MAST2: variants seen among roughly 807,000 people sequenced by gnomAD.
MAST2 encodes the protein microtubule-associated serine/threonine-protein kinase 2.
A neutral mutation model predicts 147.4 loss-of-function variants in MAST2; 70 were observed. The ratio of observed to expected loss-of-function variants is 0.47; its 90% CI spans 0.39 to 0.58. The LOEUF (loss-of-function observed/expected upper bound fraction) is 0.58, where lower values mean the gene tolerates loss of function less well. MAST2 is among the 20% of genes least tolerant of loss of function. MAST2 has a pLI of 0.00. For synonymous variants in MAST2, 869 were observed against 896.8 expected, an observed-to-expected ratio of 0.97 and a Z score of 0.55; for missense variants, 2,080 against 2,302.3, an observed-to-expected ratio of 0.90 and a Z score of 1.98.
At chr1:45,910,446 G>A (rs1390969332) in intron 4 of MAST2, among the ~76,000 whole-genome samples, 2 of 152,038 alleles carry the variant, frequency 1.3e-5, no homozygotes, top group Non-Finnish European at 2.9e-5. Context: ...TGTAATTCTA[G>A]CATTAACTGT....
chr1:46,035,915 CCTCAGGTG>C lies in MAST2; in HGVS notation c.5247_5254del (p.Ser1750GlnfsTer17), dbSNP rs758795546. On this transcript the variant is annotated frameshift_variant, in exon 29 of 29. Transcript: ENST00000361297. LOFTEE classifies it high-confidence loss of function. This position sits in a 1 kb window ranked among gnomAD's most constrained non-coding sequence, Gnocchi z 5.5. ...CTGAGCATCACCCAAGTGCCTGATG[CCTCAGGTG>C]ACAGAAGGCAGGACGTTCCATGCCG... The C allele has an allele frequency of 2.5e-6, 4 of 1,614,060 alleles. No homozygotes were observed. The East Asian group carries it at 8.9e-5, about 36-fold the overall frequency.
intron 17 of MAST2, among the ~76,000 whole-genome samples, chr1:46,028,333 G>A (rs1233520706): frequency 6.6e-6 from 1 of 152,198 alleles, no homozygotes; most frequent in East Asian, 1.9e-4. Flanking sequence ...TGAGGTTCTT[G>A]GAACACAGCT....
At chr1:45,812,765 G>A (rs758414072) in intron 1 of MAST2, among the ~76,000 whole-genome samples, 2 of 152,092 alleles carry the variant, frequency 1.3e-5, no homozygotes, top group Non-Finnish European at 2.9e-5. Context: ...TTTTCATTTG[G>A]ATAGCTCAGA....
Position 46,035,947 on chromosome 1 carries a change from C to T in MAST2, c.5278C>T (p.Arg1760Ter), listed in dbSNP as rs774319655. 2.4e-5 allele frequency: 38 copies of T among 1,613,786 alleles called. No individual in the cohort carries two copies. Among genetic ancestry groups the T allele is most frequent in the East Asian group, 1.3e-4 (6 of 44,892 alleles). The change falls in exon 29 of 29, where the codon CGA (arginine) becomes TGA (stop). Residue 1760 changes from arginine (R) to a stop codon, truncating the protein, a stop_gained. Coordinates refer to ENST00000361297, the MANE Select transcript of MAST2 (RefSeq NM_015112.3). LOFTEE classifies it high-confidence loss of function. The surrounding 1 kb of genome is among the most constrained non-coding windows in gnomAD (Gnocchi z 5.5). ...SGDRRQDVPC[R>*]GCPLTQKSEP... ...TGACAGAAGGCAGGACGTTCCATGC[C>T]GAGGCTGCCCCCTCACCCAGAAGTC...
rs1367294930 is a variant in MAST2 at position 46,023,801 on chromosome 1, C to A, written c.1601C>A (p.Thr534Asn). 6.2e-7 allele frequency: 1 copy of A among 1,613,966 alleles called. No homozygotes were observed. The highest frequency in any genetic ancestry group is 1.3e-5 in the African/African-American group (1 of 74,868). The change falls in exon 15 of 29, where the codon ACC becomes AAC. Residue 534 changes from threonine to asparagine, a missense_variant. Around this residue, in one of 4 missense-constraint regions of MAST2, gnomAD observed 569 missense variants for 642.5 expected, o/e 0.89. Transcript: ENST00000361297. The surrounding 1 kb of genome is among the most constrained non-coding windows in gnomAD (Gnocchi z 4.9). ...GAVFLVRHKS[T>N]RQRFAMKKIN... ...GTATTTCTGGTGCGGCACAAGTCCA[C>A]CCGGCAGCGCTTTGCCATGAAGAAG...
chr1:45,972,834 T>G (rs914710313), intron 5 of MAST2, among the ~76,000 whole-genome samples: 1 of 152,222 alleles, frequency 6.6e-6, no homozygotes, highest in Non-Finnish European at 1.5e-5. Flanking sequence ...TAAACATTCT[T>G]TCTTCTTCCT....
chr1:45,882,012 TAAAAAAAAAAAAA>T (rs71062722), intron 3 of MAST2, among the ~76,000 whole-genome samples: 5 of 39,832 alleles, frequency 1.3e-4, no homozygotes, highest in East Asian at 1.3e-3. Flanking sequence ...CCGTCTCTAC[TAAAAAAAAAAAAA>T]AAAAAAAAAA....
In MAST2 at chr1:46,006,381, C is replaced by T. The variant is rs1202216095; in HGVS notation, c.888C>T (p.Arg296=). 1.1e-5 allele frequency: 17 copies of T among 1,612,524 alleles called. No individual in the cohort carries two copies. Among genetic ancestry groups the T allele is most frequent in the Non-Finnish European group, 1.4e-5 (16 of 1,179,170 alleles). ...GGCAGTCCCCAGCCATGCGGCCTCG[C>T]TCCCGGAGCCTCAGGTGAGGGTGCT... The part of the protein sequence containing the change: ...EGRQSPAMRP[R]SRSLSPGRSP... The change falls in exon 8 of 29, where the codon CGC becomes CGT. Residue 296 remains arginine, a synonymous_variant. Transcript: ENST00000361297.
chr1:45,903,856 A>C (rs1650210367), intron 4 of MAST2, among the ~76,000 whole-genome samples: 1 of 152,236 alleles, frequency 6.6e-6, no homozygotes, highest in African/African-American at 2.4e-5. Context: ...GCAAGGACCC[A>C]GCTAAGCTGT....
In MAST2 at chr1:45,940,865, C is replaced by T. The variant is rs534471847; in HGVS notation, c.501-18521C>T. 1.1e-4 allele frequency among the ~76,000 whole-genome samples: 16 copies of T among 152,232 alleles called. No individual in the cohort carries two copies. The East Asian group carries it at 2.9e-3, about 28-fold the overall frequency. On this transcript the variant is annotated intron_variant, in intron 4 of 28. Transcript: ENST00000361297. ...CGATCTCCTGACCTCATGATCCGCCCGCCTCAGCCTCCCAAAGTGCTGGGA... is the reference window on the plus strand; with the variant it reads ...CGATCTCCTGACCTCATGATCCGCCTGCCTCAGCCTCCCAAAGTGCTGGGA...
intron 15 of MAST2, among the ~76,000 whole-genome samples, chr1:46,025,064 A>G (rs1208784895): frequency 6.6e-6 from 1 of 152,200 alleles, no homozygotes; most frequent in Non-Finnish European, 1.5e-5. Flanking sequence ...CATGCCTGTA[A>G]TCCCAGCACT....
At chr1:45,918,449 G>A (rs1315716779) in intron 4 of MAST2, among the ~76,000 whole-genome samples, 6 of 152,076 alleles carry the variant, frequency 3.9e-5, no homozygotes, top group Non-Finnish European at 7.4e-5. Context: ...CAATTTTGAG[G>A]CTTTTTGAGA....
At chr1:45,896,358 G>T (rs565562469) in intron 4 of MAST2, among the ~76,000 whole-genome samples, 2 of 151,850 alleles carry the variant, frequency 1.3e-5, no homozygotes, top group Non-Finnish European at 2.9e-5. Flanking sequence ...AATATTTACC[G>T]GTTTATAGGA....
chr1:45,819,376 G>GA (rs1319920665), intron 1 of MAST2, among the ~76,000 whole-genome samples: 1 of 151,898 alleles, frequency 6.6e-6, no homozygotes, highest in Non-Finnish European at 1.5e-5. Flanking sequence ...AATTAGACAA[G>GA]AAAAAGAAAT....
chr1:45,859,975 T>A (rs1176574494), intron 3 of MAST2, among the ~76,000 whole-genome samples: 1 of 152,168 alleles, frequency 6.6e-6, no homozygotes, highest in African/African-American at 2.4e-5. Flanking sequence ...CTACACTGTT[T>A]CTGAGCAGGT....
intron 3 of MAST2, among the ~76,000 whole-genome samples, chr1:45,872,051 G>C (rs917021096): frequency 2.6e-5 from 4 of 152,214 alleles, no homozygotes; most frequent in Non-Finnish European, 5.9e-5. Flanking sequence ...AATGTTAGTT[G>C]AAAAGTTATT....
intron 4 of MAST2, among the ~76,000 whole-genome samples, chr1:45,899,087 A>G (rs757163694): frequency 2.0e-5 from 3 of 152,182 alleles, no homozygotes; most frequent in Non-Finnish European, 4.4e-5. Context: ...TTAGAAAAAT[A>G]TAATGCAATT....
rs1332492566 is a variant in MAST2 at position 45,815,340 on chromosome 1, TTA to T, written c.178-9091_178-9090del. On this transcript the variant is annotated intron_variant, in intron 1 of 28. Transcript: ENST00000361297. ...ACATGCCATCACACCCAGCTAATTT[TTA>T]TGTTTTTAGTAGAGATGGGGTTTCA... Among the ~76,000 whole-genome samples the T allele has an allele frequency of 2.6e-5, 4 of 152,030 alleles. No homozygotes were observed. In the South Asian group the frequency reaches 6.2e-4, roughly 24 times the overall value.
chr1:45,889,617 G>GT (rs562480436), intron 4 of MAST2, among the ~76,000 whole-genome samples: 200 of 151,622 alleles, frequency 1.3e-3, no homozygotes, highest in Non-Finnish European at 2.3e-3. Context: ...GTTTTGTTTT[G>GT]TTTTTTTGAG....
Sources: gnomAD v4.1 joint callset for allele counts (sites outside exome capture counted in the v4.1 genomes callset) on GRCh38, gnomAD v4.1.1 for gene constraint, gnomAD v4.1.1 regional missense constraint, Gnocchi (gnomAD v3.1) non-coding constraint, MANE v1.5 for transcripts, NCBI Gene and HGNC (gene_info 2026-07-23, HGNC 2026-07-21) for gene names.